The following SYT10 variants were observed in gnomAD, a reference collection of about 807,000 sequenced individuals.
SYT10 encodes the protein synaptotagmin-10.
Under a neutral mutation model 51.1 loss-of-function variants are expected in SYT10, and 31 were observed. The ratio of observed to expected loss-of-function variants is 0.61; its 90% CI spans 0.46 to 0.82. The LOEUF is 0.82. Among genes scored for constraint, SYT10 ranks in the 40% least tolerant of loss-of-function variants. The pLI is 0.00. For synonymous variants in SYT10, 233 were observed against 225.9 expected (o/e 1.03, Z -0.28); for missense variants, 603 against 634.0 (o/e 0.95, Z 0.53).
At chr12:33,381,189 G>A (rs1205291053) in intron 5 of SYT10, among the ~76,000 whole-genome samples, 2 of 152,134 alleles carry the variant, frequency 1.3e-5, no homozygotes, top group Non-Finnish European at 2.9e-5. Flanking sequence ...GGATTCAAGA[G>A]TTCGCTCTCT....
chr12:33,437,625 C>T lies in SYT10; in HGVS notation c.151+1747G>A, dbSNP rs1482991. ...AGAGGAAAATCAGTAGTTTTATTTA[C>T]AGCATCAACTGTTCAATTACCAAAG... On this transcript the variant is annotated intron_variant, in intron 1 of 6. Transcript: ENST00000228567. 6.5e-3 allele frequency among the ~76,000 whole-genome samples: 990 copies of T among 152,278 alleles called. 10 individuals carry two copies. Among genetic ancestry groups the T allele is most frequent in the African/African-American group, 0.022 (913 of 41,556 alleles).
chr12:33,381,379 C>A (rs924995039), intron 5 of SYT10, among the ~76,000 whole-genome samples: 2 of 151,942 alleles, frequency 1.3e-5, no homozygotes, highest in Non-Finnish European at 2.9e-5. Flanking sequence ...GGACACTTAG[C>A]GTGTGTTTGT....
intron 2 of SYT10, among the ~76,000 whole-genome samples, chr12:33,420,154 A>T (rs1412939592): frequency 2.6e-5 from 4 of 152,042 alleles, no homozygotes; most frequent in Non-Finnish European, 5.9e-5. Context: ...CATCTCCTCG[A>T]CCTTACTGCA....
At chr12:33,415,863 A>AT (rs1866448468) in intron 2 of SYT10, among the ~76,000 whole-genome samples, 1 of 152,194 alleles carries the variant, frequency 6.6e-6, no homozygotes. Context: ...GCCACAGTGG[A>AT]TTTTTTAAAA....
chr12:33,436,623 T>G (rs1866639669), intron 1 of SYT10, among the ~76,000 whole-genome samples: 1 of 152,158 alleles, frequency 6.6e-6, no homozygotes, highest in Non-Finnish European at 1.5e-5. Context: ...GTAAAAATAA[T>G]GGTGATACTT....
At chr12:33,390,433 G>T (rs753828670) in intron 3 of SYT10, among the ~76,000 whole-genome samples, 1 of 152,104 alleles carries the variant, frequency 6.6e-6, no homozygotes, top group Admixed American at 6.6e-5. Flanking sequence ...TGGTGGACAC[G>T]CAGGATATAC....
At chr12:33,403,599 T>C (rs1866325312) in intron 3 of SYT10, among the ~76,000 whole-genome samples, 1 of 152,172 alleles carries the variant, frequency 6.6e-6, no homozygotes, top group Non-Finnish European at 1.5e-5. Flanking sequence ...TGTGTCTGCA[T>C]AGTTTGATTT....
intron 3 of SYT10, among the ~76,000 whole-genome samples, chr12:33,398,106 T>C (rs1418241798): frequency 1.3e-5 from 2 of 152,128 alleles, no homozygotes; most frequent in African/African-American, 2.4e-5. Flanking sequence ...GAAATGAAGA[T>C]GCCAAAATCC....
chr12:33,418,114 G>A (rs563950461), intron 2 of SYT10, among the ~76,000 whole-genome samples: 21 of 151,956 alleles, frequency 1.4e-4, no homozygotes, highest in Non-Finnish European at 2.6e-4. Flanking sequence ...TACCACAATC[G>A]CTCTTGAAAA....
Position 33,376,629 on chromosome 12 carries a change from A to C in SYT10, c.*201T>G. 1 of 575,682 alleles carries C rather than the reference A, an allele frequency of 1.7e-6. No homozygotes were observed. Among genetic ancestry groups the C allele is most frequent in the African/African-American group, 1.9e-5 (1 of 53,696 alleles). The allele number at this position is 575,682 out of a possible 1,614,324, so 35.7% of individuals were successfully genotyped here. On this transcript the variant is annotated 3_prime_UTR_variant, in exon 7 of 7. Coordinates refer to ENST00000228567, the MANE Select transcript of SYT10 (RefSeq NM_198992.4). ...GAAGGATAAAATGCCTTATGCAACT[A>C]AGGACTATATGTATTCAAGTAAAAT...
At position 33,439,677 on chromosome 12, in the gene SYT10, C is replaced by G. The variant is rs1018544512; in HGVS notation, c.-155G>C. The G allele has an allele frequency of 7.9e-6, 7 of 883,688 alleles. No individual in the cohort carries two copies. The African/African-American group carries it at 1.2e-4, about 15-fold the overall frequency. The allele number at this position is 883,688 out of a possible 1,614,324, so 54.7% of individuals were successfully genotyped here. ...TGAGAGCCGGCAACTCTTAGGAGCC[C>G]CACGTTGGCCCCATGGCGGGAGCGG... is the stretch of plus-strand genomic sequence containing the variant. On this transcript the variant is annotated 5_prime_UTR_variant, in exon 1 of 7. Coordinates refer to ENST00000228567, the MANE Select transcript of SYT10 (RefSeq NM_198992.4).
chr12:33,382,286 C>T, intron 5 of SYT10, 63 bp downstream of exon 5: 1 of 1,329,468 alleles, frequency 7.5e-7, no homozygotes, highest in Non-Finnish European at 9.7e-7. Context: ...ACCTGAAAAG[C>T]TGAGTTTGGC....
intron 1 of SYT10, chr12:33,432,935 TA>T (rs1208830763): frequency 1.1e-4 from 16 of 152,246 alleles, no homozygotes; most frequent in Admixed American, 1.0e-3. Context: ...AACAAACGTG[TA>T]AAGAGTTTTA....
chr12:33,429,122 A>G (rs944907996), intron 1 of SYT10, among the ~76,000 whole-genome samples: 18 of 152,190 alleles, frequency 1.2e-4, no homozygotes, highest in African/African-American at 4.3e-4. Flanking sequence ...TAGGCAATTA[A>G]GCGGAATAAT....
chr12:33,402,294 T>C (rs1866313630), intron 3 of SYT10, among the ~76,000 whole-genome samples: 1 of 152,232 alleles, frequency 6.6e-6, no homozygotes, highest in African/African-American at 2.4e-5. Flanking sequence ...ATTCACACTT[T>C]ACTTTTCTGC....
At chr12:33,430,250 T>C (rs1284637481) in intron 1 of SYT10, among the ~76,000 whole-genome samples, 3 of 152,222 alleles carry the variant, frequency 2.0e-5, no homozygotes, top group Non-Finnish European at 4.4e-5. Context: ...ATTTTACTCT[T>C]TTATCATGTT....
rs1307533284 is a variant in SYT10 at position 33,423,918 on chromosome 12, G to A, written c.509+2220C>T. 6.6e-6 allele frequency: 3 copies of A among 455,604 alleles called. No homozygotes were observed. The East Asian group carries it at 2.1e-4, about 32-fold the overall frequency. The allele number at this position is 455,604 out of a possible 1,614,324, so 28.2% of individuals were successfully genotyped here. On this transcript the variant is annotated intron_variant, in intron 2 of 6. Coordinates refer to ENST00000228567, the MANE Select transcript of SYT10 (RefSeq NM_198992.4). ...TAATTAATAATACTTACTTCATGCAGGTTGGTGAAGGATTATCAGGAAGGG... is the reference window on the plus strand; with the variant it reads ...TAATTAATAATACTTACTTCATGCAAGTTGGTGAAGGATTATCAGGAAGGG...
chr12:33,385,338 A>G, intron 3 of SYT10, 47 bp from the exon 4 acceptor site: 2 of 1,602,044 alleles, frequency 1.2e-6, no homozygotes, highest in Non-Finnish European at 1.7e-6. Context: ...TTGAAGGGTG[A>G]AAACCAAAAA....
intron 6 of SYT10, among the ~76,000 whole-genome samples, chr12:33,377,191 A>G (rs1312761581): frequency 6.6e-6 from 1 of 152,158 alleles, no homozygotes; most frequent in Non-Finnish European, 1.5e-5. Context: ...ACAGGGTTTT[A>G]GCTCTTTTCT....
Sources: gnomAD v4.1 joint callset for allele counts (sites outside exome capture counted in the v4.1 genomes callset) on GRCh38, gnomAD v4.1.1 for gene constraint, MANE v1.5 for transcripts, NCBI Gene and HGNC (gene_info 2026-07-23, HGNC 2026-07-21) for gene names.